FAM135B: variants seen among roughly 807,000 people sequenced by gnomAD.
The protein encoded by FAM135B is family with sequence similarity 135 member B, also known as protein FAM135B.
FAM135B carries 43 observed loss-of-function variants against 127.7 expected under a neutral mutation model. The ratio of observed to expected loss-of-function variants is 0.34; its 90% confidence interval spans 0.26 to 0.43. The LOEUF is 0.43. Ranked by LOEUF, FAM135B falls within the 20% of genes least tolerant of loss-of-function variation. FAM135B has a pLI of 1.00. For missense variants in FAM135B, 1,558 were observed against 1,725.6 expected (o/e 0.90, Z 1.72); for synonymous variants, 670 against 665.1 (o/e 1.01, Z -0.11).
intron 7 of FAM135B, among the ~76,000 whole-genome samples, chr8:138,223,106 A>G (rs1048431602): frequency 6.6e-6 from 1 of 152,172 alleles, no homozygotes; most frequent in Non-Finnish European, 1.5e-5. Flanking sequence ...ACACAGGAAC[A>G]GTTAGTTTCT....
intron 3 of FAM135B, among the ~76,000 whole-genome samples, chr8:138,266,211 G>A (rs1822910518): frequency 6.6e-6 from 1 of 152,078 alleles, no homozygotes; most frequent in South Asian, 2.1e-4. Flanking sequence ...GAGAAGAACG[G>A]GGAGTAAAAG....
chr8:138,371,220 G>A (rs1185500066), intron 1 of FAM135B, among the ~76,000 whole-genome samples: 6 of 152,140 alleles, frequency 3.9e-5, no homozygotes, highest in African/African-American at 1.4e-4. Flanking sequence ...CTATAAAAGT[G>A]TCTTCATGAT....
At chr8:138,179,027 C>G (rs779226699) in intron 9 of FAM135B, among the ~76,000 whole-genome samples, 8 of 152,150 alleles carry the variant, frequency 5.3e-5, no homozygotes, top group Admixed American at 1.3e-4. Context: ...GTTCTGAGTA[C>G]AGCTTACTCT....
At chr8:138,406,862 C>T (rs988593313) in intron 1 of FAM135B, among the ~76,000 whole-genome samples, 9 of 151,328 alleles carry the variant, frequency 5.9e-5, no homozygotes, top group African/African-American at 1.7e-4. Flanking sequence ...GACAGGGATG[C>T]CCTCTCTCAC....
chr8:138,318,027 G>T (rs907009402), intron 2 of FAM135B, among the ~76,000 whole-genome samples: 1 of 152,238 alleles, frequency 6.6e-6, no homozygotes, highest in African/African-American at 2.4e-5. Context: ...TCTTTAAAAT[G>T]CTAAATATTT....
At chr8:138,335,275 C>A (rs970416583) in intron 2 of FAM135B, among the ~76,000 whole-genome samples, 2 of 152,162 alleles carry the variant, frequency 1.3e-5, no homozygotes, top group African/African-American at 4.8e-5. Context: ...GAAGAACCCG[C>A]TGCACTCAGT....
At chr8:138,363,299 A>C (rs1830545683) in intron 2 of FAM135B, among the ~76,000 whole-genome samples, 1 of 152,166 alleles carries the variant, frequency 6.6e-6, no homozygotes, top group East Asian at 1.9e-4. Context: ...TTCTCTGCCT[A>C]TATTAATTAA....
chr8:138,311,640 A>G (rs10875424), intron 2 of FAM135B, among the ~76,000 whole-genome samples: 142,630 of 152,220 alleles, frequency 0.94, 67,147 homozygotes, highest in Non-Finnish European at 0.98. Flanking sequence ...CCCATTGTGA[A>G]ATGGAATGTG....
intron 11 of FAM135B, among the ~76,000 whole-genome samples, chr8:138,175,599 T>G (rs1188550946): frequency 6.6e-6 from 1 of 152,236 alleles, no homozygotes; most frequent in Non-Finnish European, 1.5e-5. Context: ...AGTGGTAGCT[T>G]GAAACTGGCC....
chr8:138,147,323 TTAAG>T (rs749334728), intron 14 of FAM135B, among the ~76,000 whole-genome samples: 60 of 151,746 alleles, frequency 4.0e-4, no homozygotes, highest in Non-Finnish European at 7.7e-4. Flanking sequence ...GCATTAAGTG[TTAAG>T]TAATGGGTAG....
intron 1 of FAM135B, among the ~76,000 whole-genome samples, chr8:138,484,100 T>A (rs1814895224): frequency 6.6e-6 from 1 of 152,146 alleles, no homozygotes; most frequent in South Asian, 2.1e-4. Flanking sequence ...GGACATAGAT[T>A]TCTCTGGATG....
At chr8:138,364,075 G>T (rs936250498) in intron 2 of FAM135B, among the ~76,000 whole-genome samples, 4 of 152,140 alleles carry the variant, frequency 2.6e-5, no homozygotes, top group Non-Finnish European at 5.9e-5. Flanking sequence ...AAGACCATTT[G>T]CTTTTCTTCA....
chr8:138,185,389 G>A (rs1815455238), intron 9 of FAM135B, among the ~76,000 whole-genome samples: 2 of 152,238 alleles, frequency 1.3e-5, no homozygotes, highest in South Asian at 2.1e-4. Context: ...GCAGAAACTC[G>A]AGAAGCCACT....
At chr8:138,348,923 T>A (rs557384895) in intron 2 of FAM135B, among the ~76,000 whole-genome samples, 6 of 152,332 alleles carry the variant, frequency 3.9e-5, no homozygotes, top group Admixed American at 2.0e-4. Context: ...TAAACATGGA[T>A]GGGGAAGCCC....
intron 7 of FAM135B, among the ~76,000 whole-genome samples, chr8:138,225,240 A>G (rs1025388652): frequency 6.6e-6 from 1 of 152,148 alleles, no homozygotes; most frequent in African/African-American, 2.4e-5. Flanking sequence ...CAACTAAAAA[A>G]TAAATAGAAA....
intron 2 of FAM135B, among the ~76,000 whole-genome samples, chr8:138,342,261 C>G (rs1829103044): frequency 6.6e-6 from 1 of 152,122 alleles, no homozygotes; most frequent in Admixed American, 6.5e-5. Flanking sequence ...AGGGAGTAAT[C>G]CAGGCATGAG....
intron 1 of FAM135B, among the ~76,000 whole-genome samples, chr8:138,444,475 T>C (rs577772458): frequency 9.9e-5 from 15 of 152,092 alleles, no homozygotes; most frequent in African/African-American, 2.4e-4. Flanking sequence ...TGCAATCAAA[T>C]TAGAACTCAG....
rs566857078 is a variant in FAM135B at position 138,187,311 on chromosome 8, T to C, written c.873+7947A>G. ...AAAATTCGTATCTGCAGAGAACCTCTAATAATGAAGCCAGGCTCCCTCCCT... is the reference window on the plus strand; with the variant it reads ...AAAATTCGTATCTGCAGAGAACCTCCAATAATGAAGCCAGGCTCCCTCCCT... On this transcript the variant is annotated intron_variant, in intron 9 of 19. Coordinates refer to ENST00000395297, the MANE Select transcript of FAM135B (RefSeq NM_015912.4). 4.1e-4 allele frequency among the ~76,000 whole-genome samples: 62 copies of C among 152,360 alleles called. 1 individual carries two copies. The highest frequency in any genetic ancestry group is 3.1e-4 in the Non-Finnish European group (21 of 68,030).
chr8:138,340,171 C>T (rs1828943506), intron 2 of FAM135B, among the ~76,000 whole-genome samples: 1 of 152,196 alleles, frequency 6.6e-6, no homozygotes, highest in Non-Finnish European at 1.5e-5. Flanking sequence ...ACATCCAGAA[C>T]ATCTCTGCAC....
Sources: allele counts gnomAD v4.1 joint callset (sites outside exome capture counted in the v4.1 genomes callset), GRCh38; gene constraint gnomAD v4.1.1; transcripts MANE v1.5; gene names NCBI Gene and HGNC (gene_info 2026-07-23, HGNC 2026-07-21).